AKAP6: variants seen among roughly 807,000 people sequenced by gnomAD.
AKAP6 encodes A-kinase anchor protein 6.
In AKAP6, 58 loss-of-function variants were observed where a neutral mutation model predicts 188.5. The observed-to-expected ratio is 0.31, with a 90% CI of 0.25 to 0.38. The LOEUF (loss-of-function observed/expected upper bound fraction) is 0.38, where lower values mean the gene tolerates loss of function less well. AKAP6 is among the 10% of genes least tolerant of loss of function. The pLI, the probability that AKAP6 is intolerant of heterozygous loss-of-function variation, is 1.00. For synonymous variants in AKAP6, 989 were observed against 998.6 expected (o/e 0.99, Z 0.18); for missense variants, 2,710 against 2,740.0 (o/e 0.99, Z 0.24).
intron 7 of AKAP6, among the ~76,000 whole-genome samples, chr14:32,659,700 A>G (rs1206302044): frequency 6.6e-6 from 1 of 152,058 alleles, no homozygotes; most frequent in Admixed American, 6.6e-5. Context: ...TAGCATAATG[A>G]TGGTTTCAGA....
chr14:32,600,764 A>G lies in AKAP6; in HGVS notation c.2702A>G (p.Glu901Gly). The G allele has an allele frequency of 6.2e-7, 1 of 1,611,148 alleles. No homozygotes were observed. The highest frequency in any genetic ancestry group is 1.1e-5 in the South Asian group (1 of 90,520). Residue 901 changes from glutamate (E) to glycine (G), a missense_variant, in exon 7 of 14, where the codon GAG becomes GGG. Transcript: ENST00000280979. The part of the protein sequence containing the change: ...AEILATDVSV[E>G]DEEGTGSPKA... ...ATACTGGCTACTGATGTGTCTGTGG[A>G]GGATGAGGAAGGGACTGGAAGCCCC...
At chr14:32,496,203 C>A (rs964263251) in intron 2 of AKAP6, among the ~76,000 whole-genome samples, 1 of 152,116 alleles carries the variant, frequency 6.6e-6, no homozygotes, top group Non-Finnish European at 1.5e-5. Flanking sequence ...TTAACACATA[C>A]TTGGAAAGCT....
At chr14:32,429,574 A>G (rs977324613) in intron 1 of AKAP6, among the ~76,000 whole-genome samples, 1 of 152,232 alleles carries the variant, frequency 6.6e-6, no homozygotes, top group Admixed American at 6.5e-5. Flanking sequence ...GCTTTTCATG[A>G]AAATGGGCAA....
chr14:32,821,854 G>T lies in AKAP6; in HGVS notation c.4041G>T (p.Lys1347Asn), dbSNP rs1359045555. The change falls in exon 13 of 14, where the codon AAG becomes AAT. Residue 1347 changes from lysine (K) to asparagine (N), a missense_variant. Physicochemically the swap from Lys to Asn is moderately conservative, Grantham distance 94. This residue lies in a region of AKAP6 where 2,473 missense variants were observed against 2,426.1 expected (regional missense o/e 1.02). Coordinates refer to ENST00000280979, the MANE Select transcript of AKAP6 (RefSeq NM_004274.5). Reference protein sequence around the residue: ...PDLLGGSNLVKPCACHGGDMS... With the variant: ...PDLLGGSNLVNPCACHGGDMS... Reference sequence around the variant, plus strand: ...TTCTAGGTGGTTCCAATTTGGTAAAGCCCTGCGCATGTCATGGAGGAGACA... The same window carrying T: ...TTCTAGGTGGTTCCAATTTGGTAAATCCCTGCGCATGTCATGGAGGAGACA... 4 of 1,613,668 alleles carry T rather than the reference G, an allele frequency of 2.5e-6. No homozygotes were observed. Among genetic ancestry groups the T allele is most frequent in the Non-Finnish European group, 2.5e-6 (3 of 1,179,944 alleles).
At chr14:32,662,518 C>G (rs1467929913) in intron 7 of AKAP6, among the ~76,000 whole-genome samples, 1 of 152,106 alleles carries the variant, frequency 6.6e-6, no homozygotes, top group Admixed American at 6.6e-5. Context: ...TGGTGTGTCT[C>G]TTAACTTTTT....
Position 32,405,236 on chromosome 14 carries a change from A to C in AKAP6, c.-34-28224A>C, listed in dbSNP as rs1484250410. Among the ~76,000 whole-genome samples the C allele has an allele frequency of 2.6e-5, 4 of 151,844 alleles. No individual in the cohort carries two copies. The South Asian group carries it at 8.3e-4, about 32-fold the overall frequency. On this transcript the variant is annotated intron_variant, in intron 1 of 13. Coordinates refer to ENST00000280979, the MANE Select transcript of AKAP6 (RefSeq NM_004274.5). ...TATTCTCCTTCCCTGGATGCCTCCAACTCTCACCCAAGTGCTTCCATTTAT... is the reference window on the plus strand; with the variant it reads ...TATTCTCCTTCCCTGGATGCCTCCACCTCTCACCCAAGTGCTTCCATTTAT...
intron 12 of AKAP6, among the ~76,000 whole-genome samples, chr14:32,789,317 ACTGT>A (rs1453846125): frequency 3.9e-5 from 6 of 152,172 alleles, no homozygotes; most frequent in Non-Finnish European, 7.4e-5. Flanking sequence ...GAGAATACAA[ACTGT>A]CTGGACGCGG....
chr14:32,433,932 C>T, intron 2 of AKAP6, 115 bp downstream of exon 2: 1 of 973,416 alleles, frequency 1.0e-6, no homozygotes. Flanking sequence ...AGCACAGTAC[C>T]AGGTTTCAAA....
intron 1 of AKAP6, among the ~76,000 whole-genome samples, chr14:32,370,884 G>A (rs924239654): frequency 6.6e-6 from 1 of 152,288 alleles, no homozygotes; most frequent in African/African-American, 2.4e-5. Context: ...CTCTTTCCTT[G>A]TGTAAGAGGA....
intron 12 of AKAP6, among the ~76,000 whole-genome samples, chr14:32,784,385 A>T (rs1277893322): frequency 6.6e-6 from 1 of 152,198 alleles, no homozygotes; most frequent in African/African-American, 2.4e-5. Flanking sequence ...CTCAAATGCC[A>T]TCTTAACAAA....
At chr14:32,680,902 G>A (rs1385821514) in intron 8 of AKAP6, among the ~76,000 whole-genome samples, 1 of 152,196 alleles carries the variant, frequency 6.6e-6, no homozygotes. Flanking sequence ...GAACGTATGT[G>A]AGGCTGTATG....
At chr14:32,764,763 A>G (rs987708510) in intron 11 of AKAP6, among the ~76,000 whole-genome samples, 5 of 152,152 alleles carry the variant, frequency 3.3e-5, no homozygotes, top group African/African-American at 4.8e-5. Context: ...AAATGATTCA[A>G]TACATATAAA....
chr14:32,574,887 C>G (rs1033241387), intron 4 of AKAP6, among the ~76,000 whole-genome samples: 2 of 152,090 alleles, frequency 1.3e-5, no homozygotes, highest in Admixed American at 6.6e-5. Flanking sequence ...CTTAAGTTTT[C>G]ACGAAAATTT....
At chr14:32,786,575 C>T (rs1354064565) in intron 12 of AKAP6, among the ~76,000 whole-genome samples, 5 of 151,942 alleles carry the variant, frequency 3.3e-5, no homozygotes, top group Admixed American at 1.3e-4. Flanking sequence ...CTGCCTGCCT[C>T]GGCCTCCCAA....
At chr14:32,352,252 T>A (rs1453363659) in intron 1 of AKAP6, among the ~76,000 whole-genome samples, 1 of 151,550 alleles carries the variant, frequency 6.6e-6, no homozygotes, top group Non-Finnish European at 1.5e-5. Flanking sequence ...AACCTCCCAT[T>A]TCTTTTTTTT....
intron 2 of AKAP6, among the ~76,000 whole-genome samples, chr14:32,440,170 G>T (rs1890523138): frequency 6.6e-6 from 1 of 152,104 alleles, no homozygotes; most frequent in Admixed American, 6.6e-5. Context: ...TCCCTACAAA[G>T]GACATGAATT....
intron 2 of AKAP6, among the ~76,000 whole-genome samples, chr14:32,435,018 C>A (rs1451066375): frequency 6.6e-6 from 1 of 152,224 alleles, no homozygotes; most frequent in Non-Finnish European, 1.5e-5. Flanking sequence ...TTAGCTTCAA[C>A]AGAATGCAAA....
intron 2 of AKAP6, among the ~76,000 whole-genome samples, chr14:32,441,281 GAA>G (rs1303467117): frequency 6.6e-6 from 1 of 152,116 alleles, no homozygotes; most frequent in Non-Finnish European, 1.5e-5. Flanking sequence ...GTTATTAGTG[GAA>G]ATGCTTTTTC....
At position 32,357,043 on chromosome 14, in the gene AKAP6, A is replaced by G. The variant is rs552939489; in HGVS notation, c.-35+27635A>G. ...CCACTAAAGTATAAAATTCTTGAGG[A>G]AAAGGACCATATTCTATTTATTTAT... On this transcript the variant is annotated intron_variant, in intron 1 of 13. Coordinates refer to ENST00000280979, the MANE Select transcript of AKAP6 (RefSeq NM_004274.5). 5.3e-5 allele frequency among the ~76,000 whole-genome samples: 8 copies of G among 152,316 alleles called. No homozygotes were observed. In the East Asian group the frequency reaches 1.5e-3, roughly 29 times the overall value.
Sources: allele counts gnomAD v4.1 joint callset (sites outside exome capture counted in the v4.1 genomes callset), GRCh38; gene constraint gnomAD v4.1.1; regional missense constraint gnomAD v4.1.1; transcripts MANE v1.5; gene names NCBI Gene and HGNC (gene_info 2026-07-23, HGNC 2026-07-21).